The following CTNND2 variants were observed in gnomAD, a reference collection of about 807,000 sequenced individuals.
CTNND2 encodes catenin delta 2.
A neutral mutation model predicts 144.4 loss-of-function variants in CTNND2; 22 were observed. The observed-to-expected ratio is 0.15, with a 90% CI of 0.11 to 0.22. CTNND2 has a LOEUF of 0.22. Ranked by LOEUF, CTNND2 falls within the 10% of genes least tolerant of loss-of-function variation. The probability of loss-of-function intolerance (pLI) is 1.00; values close to 1 mark genes in which losing one functional copy is unlikely to be tolerated. For synonymous variants in CTNND2, 751 were observed against 695.6 expected (o/e 1.08, Z -1.25); for missense variants, 1,353 against 1,618.8 (o/e 0.84, Z 2.82).
intron 7 of CTNND2, among the ~76,000 whole-genome samples, chr5:11,374,775 CTTTTTTTTTT>C (rs56327510): frequency 0.018 from 1,790 of 99,460 alleles, 21 homozygotes; most frequent in African/African-American, 0.048. Context: ...TCCCAATCTA[CTTTTTTTTTT>C]TTTTTTTTTT....
At chr5:11,246,298 T>C (rs1352944923) in intron 9 of CTNND2, among the ~76,000 whole-genome samples, 1 of 152,092 alleles carries the variant, frequency 6.6e-6, no homozygotes, top group Admixed American at 6.5e-5. Flanking sequence ...GTGACCTTAT[T>C]TGGAAATAGG....
At chr5:11,128,151 G>T (rs1754866420) in intron 12 of CTNND2, among the ~76,000 whole-genome samples, 1 of 152,118 alleles carries the variant, frequency 6.6e-6, no homozygotes, top group Admixed American at 6.6e-5. Flanking sequence ...TGGAGTCAGA[G>T]AGGTGCAGCA....
intron 1 of CTNND2, among the ~76,000 whole-genome samples, chr5:11,772,163 T>G (rs1386960639): frequency 3.3e-5 from 5 of 152,242 alleles, no homozygotes; most frequent in Non-Finnish European, 7.3e-5. Context: ...AAATTAGAAG[T>G]TTTAATCTTA....
chr5:11,185,510 A>T (rs1254627342), intron 11 of CTNND2, among the ~76,000 whole-genome samples: 1 of 152,242 alleles, frequency 6.6e-6, no homozygotes, highest in Non-Finnish European at 1.5e-5. Context: ...TATTTTAGGA[A>T]ACCACTTCAC....
chr5:11,863,509 C>A (rs189405631), intron 1 of CTNND2, among the ~76,000 whole-genome samples: 2 of 152,242 alleles, frequency 1.3e-5, no homozygotes, highest in Non-Finnish European at 2.9e-5. Flanking sequence ...GCAGTAAATT[C>A]AATTATTGTG....
intron 1 of CTNND2, among the ~76,000 whole-genome samples, chr5:11,876,223 G>A (rs573133723): frequency 6.7e-6 from 1 of 148,248 alleles, no homozygotes; most frequent in Non-Finnish European, 1.5e-5. Context: ...CAGGAGGGAG[G>A]AGGCGGGAGG....
At chr5:11,103,802 C>A (rs1338093167) in intron 14 of CTNND2, among the ~76,000 whole-genome samples, 1 of 151,896 alleles carries the variant, frequency 6.6e-6, no homozygotes, top group Non-Finnish European at 1.5e-5. Flanking sequence ...TTATCACATT[C>A]ATAAAAGCCC....
At chr5:11,615,267 T>A (rs1346579340) in intron 2 of CTNND2, among the ~76,000 whole-genome samples, 1 of 152,210 alleles carries the variant, frequency 6.6e-6, no homozygotes, top group African/African-American at 2.4e-5. Flanking sequence ...ACTTTTGCAA[T>A]GGCCTAATAA....
At position 11,376,845 on chromosome 5, in the gene CTNND2, C is replaced by T. The variant is rs370704014; in HGVS notation, c.1177+7820G>A. Among the ~76,000 whole-genome samples, 10 of 152,252 alleles carry T rather than the reference C, an allele frequency of 6.6e-5. No individual in the cohort carries two copies. The South Asian group carries it at 1.9e-3, about 28-fold the overall frequency. ...CCTCTATCTTCAGCCCATCTCTCCC[C>T]AGCCCCACCCCCTCAAGCTCAGCTC... On this transcript the variant is annotated intron_variant, in intron 7 of 21. Transcript: ENST00000304623.
intron 1 of CTNND2, among the ~76,000 whole-genome samples, chr5:11,883,209 T>C (rs982060617): frequency 1.3e-5 from 2 of 152,206 alleles, no homozygotes; most frequent in Admixed American, 6.5e-5. Context: ...TACTTCAAGT[T>C]CTGGGATACA....
chr5:11,852,684 C>T (rs541329661), intron 1 of CTNND2, among the ~76,000 whole-genome samples: 57 of 152,254 alleles, frequency 3.7e-4, no homozygotes, highest in African/African-American at 1.3e-3. Flanking sequence ...AAACAGTCTC[C>T]TAGATCCTGG....
chr5:11,876,651 T>C (rs908843619), intron 1 of CTNND2, among the ~76,000 whole-genome samples: 1 of 152,176 alleles, frequency 6.6e-6, no homozygotes, highest in South Asian at 2.1e-4. Flanking sequence ...AGACTGCTTT[T>C]AAAACACACC....
intron 1 of CTNND2, among the ~76,000 whole-genome samples, chr5:11,808,036 T>C (rs1291236168): frequency 1.3e-5 from 2 of 152,014 alleles, no homozygotes; most frequent in Non-Finnish European, 2.9e-5. Flanking sequence ...CCACAAGACA[T>C]ATGAGAATTT....
At chr5:11,240,926 C>A (rs28567462) in intron 9 of CTNND2, among the ~76,000 whole-genome samples, 37,884 of 148,612 alleles carry the variant, frequency 0.25, 5,012 homozygotes, top group Middle Eastern at 0.33. Context: ...ATCCCCAACA[C>A]ACACCCAACA....
At position 11,344,122 on chromosome 5, in the gene CTNND2, T is replaced by C. The variant is rs146783332; in HGVS notation, c.1628+2250A>G. The stretch of plus-strand genomic sequence containing the variant: ...CGTCTCTCCATTAAATAAAAACATG[T>C]TGCCGGGCGCGGTGGCTCACGCCTG... On this transcript the variant is annotated intron_variant, in intron 9 of 21. Transcript: ENST00000304623. Among the ~76,000 whole-genome samples, 55 of 152,290 alleles carry C rather than the reference T, an allele frequency of 3.6e-4. No homozygotes were observed. The East Asian group carries it at 0.01, about 28-fold the overall frequency.
rs141291357 is a variant in CTNND2, at chr5:11,485,374, T to TGC, written c.288-73307_288-73306dup. ...GTGTGTGTGTGTGTGTGTGTGTGTG[T>TGC]GCGCGCGCGCGCGTGCGCGCGCACA... On this transcript the variant is annotated intron_variant, in intron 3 of 21. Transcript: ENST00000304623. Among the ~76,000 whole-genome samples, 537 of 140,614 alleles carry TGC rather than the reference T, an allele frequency of 3.8e-3. 3 individuals are homozygous for TGC. The highest frequency in any genetic ancestry group is 0.016 in the East Asian group (78 of 4,910). The allele number at this position is 140,614 out of a possible 152,430, so 92.2% of individuals were successfully genotyped here. A position where few individuals can be genotyped will look rare whatever the true frequency, so the allele number is the denominator to read the frequency against.
chr5:11,676,976 C>T (rs1784206240), intron 2 of CTNND2, among the ~76,000 whole-genome samples: 1 of 152,148 alleles, frequency 6.6e-6, no homozygotes, highest in African/African-American at 2.4e-5. Context: ...AAACTTGGTC[C>T]TCAATTAGTT....
At chr5:11,878,725 C>T (rs75208304) in intron 1 of CTNND2, among the ~76,000 whole-genome samples, 3,849 of 152,252 alleles carry the variant, frequency 0.025, 82 homozygotes, top group African/African-American at 0.052. Flanking sequence ...TTAGCAGTCA[C>T]TCACTGTGGA....
Position 11,082,820 on chromosome 5 carries a change from G to C in CTNND2, c.2664C>G (p.Val888=), listed in dbSNP as rs542570001. 1.9e-6 allele frequency: 3 copies of C among 1,614,164 alleles called. No individual in the cohort carries two copies. The highest frequency in any genetic ancestry group is 1.3e-5 in the African/African-American group (1 of 75,032). ...WKWSVYIRAA[V]RKEKGLPILV... ...GGATGGGCAGGCCTTTCTCTTTTCGGACAGCGGCTCGGATATATACTGACC... is the reference window on the plus strand; with the variant it reads ...GGATGGGCAGGCCTTTCTCTTTTCGCACAGCGGCTCGGATATATACTGACC... Residue 888 remains valine (V), a synonymous_variant, in exon 16 of 22, where the codon GTC becomes GTG. Transcript: ENST00000304623.
Sources: gnomAD v4.1 joint callset for allele counts (sites outside exome capture counted in the v4.1 genomes callset) on GRCh38, gnomAD v4.1.1 for gene constraint, MANE v1.5 for transcripts, NCBI Gene and HGNC (gene_info 2026-07-23, HGNC 2026-07-21) for gene names.